CEP290: variants seen among roughly 807,000 people sequenced by gnomAD.
The protein encoded by CEP290 is centrosomal protein 290, also known as centrosomal protein of 290 kDa.
A neutral mutation model predicts 344.9 loss-of-function variants in CEP290; 317 were observed. The ratio of observed to expected loss-of-function variants is 0.92; its 90% CI spans 0.84 to 1.01. The LOEUF is 1.01. Among genes scored for constraint, CEP290 ranks in the 50% least tolerant of loss-of-function variants. The pLI is 0.00. For missense variants in CEP290, 2,754 were observed against 2,761.4 expected (o/e 1.00, Z 0.06); for synonymous variants, 932 against 895.8 (o/e 1.04, Z -0.72).
chr12:88,139,731 G>GT (rs1006908440), intron 3 of CEP290, among the ~76,000 whole-genome samples, 167 bp from the exon 4 acceptor site: 28 of 151,920 alleles, frequency 1.8e-4, no homozygotes, highest in African/African-American at 2.4e-4. Context: ...TTTTGTTTTT[G>GT]TTTTTTTTGC....
At chr12:88,126,491 T>C (rs2039739208) in intron 11 of CEP290, 53 bp from the exon 12 acceptor site, 1 of 1,221,508 alleles carries the variant, frequency 8.2e-7, no homozygotes, top group South Asian at 1.7e-5. Flanking sequence ...TAATAAAACA[T>C]TCTTCATTAT....
chr12:88,125,151 G>A (rs2039652527), intron 13 of CEP290, 95 bp downstream of exon 13: 1 of 418,630 alleles, frequency 2.4e-6, no homozygotes. Context: ...TTCAAATGGA[G>A]AAAACTCAAT....
intron 41 of CEP290, among the ~76,000 whole-genome samples, chr12:88,076,161 G>C (rs973829350): frequency 5.9e-5 from 9 of 152,072 alleles, no homozygotes; most frequent in African/African-American, 2.2e-4. Flanking sequence ...TAGAAAGATG[G>C]AAATCCAAAA....
chr12:88,077,464 G>T (rs2035864045), intron 40 of CEP290, 120 bp from the exon 41 acceptor site: 1 of 725,344 alleles, frequency 1.4e-6, no homozygotes, highest in African/African-American at 1.8e-5. Context: ...CTTTCTAAAT[G>T]ACACTTAATA....
At chr12:88,065,090 G>C (rs2034804921) in intron 44 of CEP290, among the ~76,000 whole-genome samples, 2 of 151,388 alleles carry the variant, frequency 1.3e-5, no homozygotes, top group Non-Finnish European at 2.9e-5. Context: ...ATTTTTCTAT[G>C]CATTTTTTCT....
At chr12:88,136,424 C>T in intron 6 of CEP290, 2 of 479,398 alleles carry the variant, frequency 4.2e-6, no homozygotes, top group South Asian at 2.9e-5. Flanking sequence ...AATGTACTTC[C>T]AAATATAAAG....
intron 11 of CEP290, 82 bp from the exon 12 acceptor site, chr12:88,126,520 TTAG>T (rs1193903579): frequency 1.1e-6 from 1 of 926,420 alleles, no homozygotes; most frequent in Admixed American, 3.8e-5. Context: ...ATAAACACCG[TTAG>T]TAGATTTATG....
chr12:88,123,791 C>A (rs556170062), intron 13 of CEP290, among the ~76,000 whole-genome samples: 1 of 152,134 alleles, frequency 6.6e-6, no homozygotes, highest in Non-Finnish European at 1.5e-5. Context: ...TACTTAACAC[C>A]TTCACTTGAA....
At chr12:88,055,203 T>C (rs1429977043) in intron 50 of CEP290, among the ~76,000 whole-genome samples, 1 of 152,052 alleles carries the variant, frequency 6.6e-6, no homozygotes, top group Non-Finnish European at 1.5e-5. Flanking sequence ...AGCCCAGAAA[T>C]AGAAATAGGG....
At chr12:88,092,856 T>A in intron 28 of CEP290, 24 bp from the exon 29 acceptor site, 1 of 1,604,554 alleles carries the variant, frequency 6.2e-7, no homozygotes, top group South Asian at 1.1e-5. Flanking sequence ...ACAAAAAATG[T>A]TCAGATACAT....
chr12:88,115,063 TAAG>T, intron 19 of CEP290, 32 bp downstream of exon 19: 1 of 1,127,874 alleles, frequency 8.9e-7, no homozygotes, highest in Non-Finnish European at 1.3e-6. Flanking sequence ...ATAGGAAAAA[TAAG>T]AACAGAAAAG....
chr12:88,102,996 T>C lies in CEP290; in HGVS notation c.2833A>G (p.Lys945Glu). 1 of 1,553,774 alleles carries C rather than the reference T, an allele frequency of 6.4e-7. No individual in the cohort carries two copies. Among genetic ancestry groups the C allele is most frequent in the African/African-American group, 1.4e-5 (1 of 72,028 alleles). ...LQRFKEMAIF[K>E]IAALQKVVDN... ...ACAACTTTTTGGAGAGCTGCAATCT[T>C]GAAAATGGCCATTTCCTATGTAAAT... Residue 945 changes from lysine to glutamate, a missense_variant, in exon 26 of 54, where the codon AAG (lysine) becomes GAG (glutamate). Transcript: ENST00000552810.
chr12:88,049,330 T>C lies in CEP290; in HGVS notation c.7294A>G (p.Lys2432Glu). Reference protein sequence around the residue: ...EEIEDLKYNYKEEVKKNILLE... With the variant: ...EEIEDLKYNYEEEVKKNILLE... ...AGAATATTCTTCTTCACTTCTTCCT[T>C]GTAATTATACTTAAGATCTTCAATT... The change falls in exon 54 of 54, where the codon AAG becomes GAG. Residue 2432 changes from lysine (K) to glutamate (E), a missense_variant. Transcript: ENST00000552810. The C allele has an allele frequency of 6.3e-7, 1 of 1,589,986 alleles. No homozygotes were observed.
At chr12:88,130,189 G>T in intron 9 of CEP290, 79 bp downstream of exon 9, 2 of 1,315,704 alleles carry the variant, frequency 1.5e-6, no homozygotes, top group Middle Eastern at 3.8e-4. Context: ...TACATGTAGG[G>T]CTAAATATTA....
chr12:88,054,354 C>T lies in CEP290; in HGVS notation c.7020G>A (p.Glu2340=), dbSNP rs749716804. Residue 2340 remains glutamate, a synonymous_variant, in exon 51 of 54, where the codon GAG becomes GAA. Transcript: ENST00000552810. ...ACATGATGTACCTAAGAACTTGAAG[C>T]TCCCGTTTAAGGCCTTGCTCTGTCT... ...GAETEQGLKR[E]LQVLRLANHQ... is the part of the protein sequence containing the mutation. 1.2e-6 allele frequency: 2 copies of T among 1,604,020 alleles called. No individual in the cohort carries two copies. The highest frequency in any genetic ancestry group is 3.4e-5 in the Admixed American group (2 of 58,352).
At position 88,125,357 on chromosome 12, in the gene CEP290, G is replaced by T. The variant is rs776645403; in HGVS notation, c.1078C>A (p.Arg360=). 7.6e-7 allele frequency: 1 copy of T among 1,307,844 alleles called. No homozygotes were observed. Among genetic ancestry groups the T allele is most frequent in the Non-Finnish European group, 1.0e-6 (1 of 1,002,050 alleles). The allele number at this position is 1,307,844 out of a possible 1,614,324, so 81.0% of individuals were successfully genotyped here. The part of the protein sequence containing the change: ...VMALQQGIQE[R]DSQIKMLTEQ... The stretch of plus-strand genomic sequence containing the variant: ...GTGAGCATCTTAATTTGACTGTCTC[G>T]TTCCTGTATACCCTATAAAATATTT... Residue 360 remains arginine (R), a synonymous_variant, in exon 13 of 54, where the codon CGA becomes AGA. Transcript: ENST00000552810.
rs988491335 is a variant in CEP290 at position 88,115,981 on chromosome 12, G to A, written c.1825-799C>T. 9 of 984,660 alleles carry A rather than the reference G, an allele frequency of 9.1e-6. No individual in the cohort carries two copies. In the African/African-American group the frequency reaches 1.6e-4, roughly 17 times the overall value. The allele number at this position is 984,660 out of a possible 1,614,324, so 61.0% of individuals were successfully genotyped here. A position where few individuals can be genotyped will look rare whatever the true frequency, so the allele number is the denominator to read the frequency against. Reference sequence around the variant, plus strand: ...GCATACTTTACTTGGGAATGAACCTGTTCTTCTTCTAATGTTGCTACTTGT... The same window carrying A: ...GCATACTTTACTTGGGAATGAACCTATTCTTCTTCTAATGTTGCTACTTGT... On this transcript the variant is annotated intron_variant, in intron 18 of 53. Coordinates refer to ENST00000552810, the MANE Select transcript of CEP290 (RefSeq NM_025114.4).
chr12:88,050,860 T>G (rs2033436740), intron 52 of CEP290, among the ~76,000 whole-genome samples: 1 of 152,180 alleles, frequency 6.6e-6, no homozygotes, highest in Non-Finnish European at 1.5e-5. Context: ...TATTACACAT[T>G]TACTGTGCAA....
intron 19 of CEP290, among the ~76,000 whole-genome samples, chr12:88,114,825 T>C (rs1412762667): frequency 6.6e-6 from 1 of 152,146 alleles, no homozygotes; most frequent in Non-Finnish European, 1.5e-5. Flanking sequence ...TAAAGTATTT[T>C]AAATTTGGTG....
Sources: gnomAD v4.1 joint callset for allele counts (sites outside exome capture counted in the v4.1 genomes callset) on GRCh38, gnomAD v4.1.1 for gene constraint, MANE v1.5 for transcripts, NCBI Gene and HGNC (gene_info 2026-07-23, HGNC 2026-07-21) for gene names.